The following TMEM132D variants were observed in gnomAD, a reference collection of about 807,000 sequenced individuals.
TMEM132D encodes the protein mature OL transmembrane protein.
In TMEM132D, 21 loss-of-function variants were observed where a neutral mutation model predicts 62.3. The ratio of observed to expected loss-of-function variants is 0.34; its 90% confidence interval spans 0.24 to 0.49. The LOEUF (loss-of-function observed/expected upper bound fraction) is 0.49. Ranked by LOEUF, TMEM132D falls within the 20% of genes least tolerant of loss-of-function variation. TMEM132D has a pLI of 0.99. For missense variants in TMEM132D, 1,346 were observed against 1,402.8 expected, an observed-to-expected ratio of 0.96 and a Z score of 0.65; for synonymous variants, 621 against 575.6, an observed-to-expected ratio of 1.08 and a Z score of -1.13.
chr12:129,809,902 G>C (rs887669102), intron 1 of TMEM132D, among the ~76,000 whole-genome samples: 5 of 152,096 alleles, frequency 3.3e-5, no homozygotes, highest in African/African-American at 1.2e-4. Context: ...ATATTTCTAG[G>C]AAACTGTAGA....
chr12:129,104,866 T>C (rs1235181234), intron 5 of TMEM132D, among the ~76,000 whole-genome samples: 8 of 142,268 alleles, frequency 5.6e-5, no homozygotes, highest in African/African-American at 2.3e-4. Flanking sequence ...CCAGTTAGAA[T>C]GGCAATCATT....
At chr12:129,846,500 C>T (rs746055415) in intron 1 of TMEM132D, among the ~76,000 whole-genome samples, 10 of 152,168 alleles carry the variant, frequency 6.6e-5, no homozygotes, top group Non-Finnish European at 1.3e-4. Context: ...CAAAAGTCAA[C>T]TTTAATCTTA....
intron 2 of TMEM132D, among the ~76,000 whole-genome samples, chr12:129,610,080 G>A (rs1272930632): frequency 1.3e-5 from 2 of 152,168 alleles, no homozygotes; most frequent in Non-Finnish European, 2.9e-5. Context: ...GACCAGCCTG[G>A]CCAACACAGT....
chr12:129,684,607 AAC>A (rs1880862187), intron 2 of TMEM132D, among the ~76,000 whole-genome samples: 1 of 152,086 alleles, frequency 6.6e-6, no homozygotes, highest in African/African-American at 2.4e-5. Flanking sequence ...GCATCTGGGT[AAC>A]AGATAGAGAT....
intron 2 of TMEM132D, among the ~76,000 whole-genome samples, chr12:129,552,194 G>A (rs1271203558): frequency 6.6e-6 from 1 of 152,168 alleles, no homozygotes; most frequent in Admixed American, 6.5e-5. Flanking sequence ...ACTGTATGTA[G>A]ATCAGCAATT....
At chr12:129,807,914 G>A (rs907271807) in intron 1 of TMEM132D, among the ~76,000 whole-genome samples, 3 of 152,120 alleles carry the variant, frequency 2.0e-5, no homozygotes, top group Non-Finnish European at 4.4e-5. Context: ...TTTACTTAAG[G>A]GTGCTGGTGA....
rs961897218 is a variant in TMEM132D at position 129,547,386 on chromosome 12, G to A, written c.969-16181C>T. Among the ~76,000 whole-genome samples, 2 of 152,160 alleles carry A rather than the reference G, an allele frequency of 1.3e-5. 1 individual carries two copies. Among genetic ancestry groups the A allele is most frequent in the Non-Finnish European group, 2.9e-5 (2 of 68,030 alleles). ...CCCAAGGTGCTGGGATTACAAGAGTGAGCCACGGTGCCTGGCCACGTGGCT... is the reference window on the plus strand; with the variant it reads ...CCCAAGGTGCTGGGATTACAAGAGTAAGCCACGGTGCCTGGCCACGTGGCT... On this transcript the variant is annotated intron_variant, in intron 2 of 8. Transcript: ENST00000422113.
At chr12:129,522,298 T>C (rs115256708) in intron 3 of TMEM132D, among the ~76,000 whole-genome samples, 3,285 of 152,300 alleles carry the variant, frequency 0.022, 123 homozygotes, top group African/African-American at 0.075. Context: ...ACACTTAGAA[T>C]GAAATTTTTA....
chr12:129,300,132 G>A (rs10161068), intron 4 of TMEM132D, among the ~76,000 whole-genome samples: 91,116 of 152,016 alleles, frequency 0.6, 28,793 homozygotes, highest in East Asian at 0.99. Flanking sequence ...AAAATGTACT[G>A]GGGAACCAAG....
intron 3 of TMEM132D, among the ~76,000 whole-genome samples, chr12:129,516,618 G>A (rs1875691979): frequency 6.6e-6 from 1 of 152,172 alleles, no homozygotes; most frequent in Non-Finnish European, 1.5e-5. Context: ...ATCTCCCACT[G>A]GGTCCTTCCC....
chr12:129,293,332 T>A (rs1881495315), intron 4 of TMEM132D, among the ~76,000 whole-genome samples: 1 of 152,098 alleles, frequency 6.6e-6, no homozygotes, highest in Non-Finnish European at 1.5e-5. Flanking sequence ...AGAAGATGCT[T>A]TACATGAAGA....
intron 1 of TMEM132D, among the ~76,000 whole-genome samples, chr12:129,874,175 G>A (rs1566015847): frequency 1.3e-5 from 2 of 152,248 alleles, no homozygotes; most frequent in South Asian, 4.2e-4. Context: ...CACAAAATAC[G>A]ATAAATATGT....
chr12:129,689,767 A>G (rs994366738), intron 2 of TMEM132D, among the ~76,000 whole-genome samples: 10 of 152,186 alleles, frequency 6.6e-5, no homozygotes, highest in African/African-American at 2.2e-4. Context: ...TGTAACTTCC[A>G]AAACAATGGT....
chr12:129,743,775 A>C (rs1451711831), intron 1 of TMEM132D, among the ~76,000 whole-genome samples: 1 of 152,178 alleles, frequency 6.6e-6, no homozygotes. Context: ...AGGCCCCTAC[A>C]GGAGGGAGAC....
chr12:129,903,627 A>G lies in TMEM132D; in HGVS notation c.-288T>C. The G allele has an allele frequency of 2.3e-6, 1 of 437,728 alleles. No homozygotes were observed. The highest frequency in any genetic ancestry group is 3.3e-5 in the South Asian group (1 of 30,568). The allele number at this position is 437,728 out of a possible 1,614,324, so 27.1% of individuals were successfully genotyped here. ...GAATTTTTTTTAAATTTTAATCCAC[A>G]GGGGGTATTTCCTTTCCTGTTTACC... On this transcript the variant is annotated 5_prime_UTR_variant, in exon 1 of 9. Transcript: ENST00000422113. This position sits in a 1 kb window ranked among gnomAD's most constrained non-coding sequence, Gnocchi z 6.2.
chr12:129,111,164 C>G (rs2135644648), intron 5 of TMEM132D: 1 of 152,378 alleles, frequency 6.6e-6, no homozygotes, highest in East Asian at 1.9e-4. Context: ...TTGTATTTGA[C>G]TTAAAACCTC....
intron 4 of TMEM132D, among the ~76,000 whole-genome samples, chr12:129,258,911 G>A (rs1880479608): frequency 6.6e-6 from 1 of 152,222 alleles, no homozygotes; most frequent in African/African-American, 2.4e-5. Flanking sequence ...TAGAAGCCTG[G>A]TCTGAGGTGG....
At chr12:129,515,317 C>A (rs1875640209) in intron 3 of TMEM132D, among the ~76,000 whole-genome samples, 1 of 152,078 alleles carries the variant, frequency 6.6e-6, no homozygotes, top group Admixed American at 6.5e-5. Flanking sequence ...TGTACACATA[C>A]CTTTCCCCAC....
rs577856371 is a variant in TMEM132D at position 129,290,680 on chromosome 12, A to G, written c.1299+46954T>C. 4.6e-5 allele frequency among the ~76,000 whole-genome samples: 7 copies of G among 152,344 alleles called. No individual in the cohort carries two copies. The South Asian group carries it at 1.5e-3, about 32-fold the overall frequency. ...TCTAATGAGGGGACAAGGTTTCAGG[A>G]TGTGGGTGGTAGCCTTATTTGCAAT... On this transcript the variant is annotated intron_variant, in intron 4 of 8. Transcript: ENST00000422113.
Sources: gnomAD v4.1 joint callset for allele counts (sites outside exome capture counted in the v4.1 genomes callset) on GRCh38, gnomAD v4.1.1 for gene constraint, Gnocchi (gnomAD v3.1) non-coding constraint, MANE v1.5 for transcripts, NCBI Gene and HGNC (gene_info 2026-07-23, HGNC 2026-07-21) for gene names.